The following EPHA7 variants were observed in gnomAD, a reference collection of about 807,000 sequenced individuals.
The protein encoded by EPHA7 is EPH receptor A7, also known as ephrin type-A receptor 7.
EPHA7 carries 25 observed loss-of-function variants against 112.6 expected under a neutral mutation model. That is an observed-to-expected ratio of 0.22 (90% CI 0.16 to 0.31). The LOEUF (loss-of-function observed/expected upper bound fraction) is 0.31. EPHA7 is among the 10% of genes least tolerant of loss of function. EPHA7 has a pLI of 1.00. For missense variants in EPHA7, 962 were observed against 1,212.6 expected (o/e 0.79, Z 3.07); for synonymous variants, 437 against 406.5 (o/e 1.07, Z -0.90).
At chr6:93,344,417 T>C (rs1775291137) in intron 5 of EPHA7, among the ~76,000 whole-genome samples, 1 of 151,624 alleles carries the variant, frequency 6.6e-6, no homozygotes, top group Non-Finnish European at 1.5e-5. Flanking sequence ...GTTATGATAA[T>C]GTATTAGAAA....
At chr6:93,243,885 G>C (rs1769794395) in intron 16 of EPHA7, among the ~76,000 whole-genome samples, 2 of 151,864 alleles carry the variant, frequency 1.3e-5, no homozygotes, top group African/African-American at 4.8e-5. Flanking sequence ...GAACCTAATA[G>C]GGATTTAGAA....
chr6:93,399,718 G>A (rs1562157100), intron 3 of EPHA7, among the ~76,000 whole-genome samples: 1 of 151,936 alleles, frequency 6.6e-6, no homozygotes, highest in Admixed American at 6.6e-5. Flanking sequence ...TTATATATGC[G>A]TGCTTTTGGA....
At chr6:93,314,163 T>A (rs1773676333) in intron 5 of EPHA7, among the ~76,000 whole-genome samples, 1 of 152,166 alleles carries the variant, frequency 6.6e-6, no homozygotes, top group African/African-American at 2.4e-5. Context: ...TACTTAACAA[T>A]AGCTGTCTCA....
chr6:93,345,738 T>A (rs918827543), intron 5 of EPHA7, among the ~76,000 whole-genome samples: 1 of 151,708 alleles, frequency 6.6e-6, no homozygotes, highest in Non-Finnish European at 1.5e-5. Flanking sequence ...TTGATAGTGT[T>A]CTCTCCTTTA....
In EPHA7 at chr6:93,366,717, G is replaced by A. The variant is rs150615933; in HGVS notation, c.833-8306C>T. ...AACCGGTTTACCTCTCGCTTTCACC[G>A]TGCCATTGTTGCTGAACCTTGTCTG... is the stretch of plus-strand genomic sequence containing the variant. On this transcript the variant is annotated intron_variant, in intron 3 of 16. Transcript: ENST00000369303. Among the ~76,000 whole-genome samples, 60 of 152,188 alleles carry A rather than the reference G, an allele frequency of 3.9e-4. No homozygotes were observed. In the East Asian group the frequency reaches 4.3e-3, roughly 11 times the overall value.
chr6:93,387,106 TTTC>T (rs1246667538), intron 3 of EPHA7, among the ~76,000 whole-genome samples: 5 of 152,278 alleles, frequency 3.3e-5, no homozygotes, highest in Non-Finnish European at 5.9e-5. Flanking sequence ...AAAATTTTTT[TTTC>T]TTTTCTACCA....
chr6:93,314,780 CT>C (rs762339352), intron 5 of EPHA7, among the ~76,000 whole-genome samples: 2 of 150,256 alleles, frequency 1.3e-5, no homozygotes, highest in Non-Finnish European at 3.0e-5. Flanking sequence ...TGCTTGCAAA[CT>C]TTAAAAATGT....
rs183407631 is a variant in EPHA7, at chr6:93,298,604, C to T, written c.1325-26182G>A. 2.6e-5 allele frequency among the ~76,000 whole-genome samples: 4 copies of T among 152,286 alleles called. No homozygotes were observed. The East Asian group carries it at 7.7e-4, about 29-fold the overall frequency. On this transcript the variant is annotated intron_variant, in intron 5 of 16. Coordinates refer to ENST00000369303, the MANE Select transcript of EPHA7 (RefSeq NM_004440.4). ...CCTAAAGAGACACTGATACACACTA[C>T]ATACACTGCCAATAAGGATATGAAA...
Position 93,358,125 on chromosome 6 carries a change from T to C in EPHA7, c.988+131A>G, listed in dbSNP as rs73755392. 2.7e-3 allele frequency: 1,742 copies of C among 652,636 alleles called. 21 individuals carry two copies. The African/African-American group carries it at 0.028, about 10-fold the overall frequency. 40.4% of individuals were successfully genotyped at this position (652,636 alleles called of 1,614,324 possible). On this transcript the variant is annotated intron_variant, in intron 4 of 16. Transcript: ENST00000369303. ...ATGAAAGAAAATTTTATCTTAATAT[T>C]TTAAAATAATTTTAATATTTAAGTA...
At chr6:93,258,901 A>C (rs1390079089) in intron 10 of EPHA7, among the ~76,000 whole-genome samples, 1 of 151,842 alleles carries the variant, frequency 6.6e-6, no homozygotes, top group Non-Finnish European at 1.5e-5. Flanking sequence ...TATTCCCTTT[A>C]ATTCATACAC....
At chr6:93,298,818 T>TA (rs1481672637) in intron 5 of EPHA7, among the ~76,000 whole-genome samples, 2 of 152,154 alleles carry the variant, frequency 1.3e-5, no homozygotes, top group Non-Finnish European at 2.9e-5. Context: ...TAAATAAGTC[T>TA]ATTTCTGAAA....
intron 3 of EPHA7, among the ~76,000 whole-genome samples, chr6:93,382,337 C>T (rs1777378238): frequency 1.3e-5 from 2 of 152,086 alleles, no homozygotes; most frequent in African/African-American, 2.4e-5. Flanking sequence ...AGGTCCCTCA[C>T]ATGGACAGTT....
Position 93,311,023 on chromosome 6 carries a change from C to T in EPHA7, c.1325-38601G>A, listed in dbSNP as rs192549451. Among the ~76,000 whole-genome samples, 277 of 151,364 alleles carry T rather than the reference C, an allele frequency of 1.8e-3. 1 individual carries two copies. Among genetic ancestry groups the T allele is most frequent in the African/African-American group, 6.0e-3 (247 of 41,176 alleles). Reference sequence around the variant, plus strand: ...TTGCTACAGTGGTGTGATCACAGCTCACTGCAACCTTGACCTCCTGGGTTC... The same window carrying T: ...TTGCTACAGTGGTGTGATCACAGCTTACTGCAACCTTGACCTCCTGGGTTC... On this transcript the variant is annotated intron_variant, in intron 5 of 16. Transcript: ENST00000369303.
At chr6:93,250,745 T>G (rs967463789) in intron 14 of EPHA7, among the ~76,000 whole-genome samples, 1 of 152,128 alleles carries the variant, frequency 6.6e-6, no homozygotes, top group African/African-American at 2.4e-5. Flanking sequence ...TCTTGTGAAA[T>G]TACTAGAAAC....
intron 3 of EPHA7, among the ~76,000 whole-genome samples, chr6:93,389,301 A>G (rs1777787151): frequency 6.6e-6 from 1 of 152,070 alleles, no homozygotes; most frequent in African/African-American, 2.4e-5. Flanking sequence ...TGTGTGTATT[A>G]CATCACTTGT....
intron 3 of EPHA7, among the ~76,000 whole-genome samples, chr6:93,392,689 G>T (rs2127982303): frequency 6.6e-6 from 1 of 151,938 alleles, no homozygotes; most frequent in South Asian, 2.1e-4. Flanking sequence ...TGCCACCAAA[G>T]AATAGGTTGA....
At chr6:93,260,875 A>G in intron 9 of EPHA7, 1 of 401,496 alleles carries the variant, frequency 2.5e-6, no homozygotes, top group South Asian at 1.0e-4. Flanking sequence ...GGGAAGAGAA[A>G]AAGAGAGAAG....
intron 5 of EPHA7, among the ~76,000 whole-genome samples, chr6:93,316,748 TTTTCAAGAA>T (rs1384251641): frequency 4.6e-5 from 7 of 152,168 alleles, no homozygotes; most frequent in Non-Finnish European, 2.9e-5. Context: ...GGATTATATA[TTTTCAAGAA>T]TTTCCTATTG....
At chr6:93,358,835 T>G (rs148747240) in intron 3 of EPHA7, among the ~76,000 whole-genome samples, 1 of 152,206 alleles carries the variant, frequency 6.6e-6, no homozygotes, top group South Asian at 2.1e-4. Flanking sequence ...ACTTTTGACA[T>G]GTTGATTTGG....
Sources: allele counts gnomAD v4.1 joint callset (sites outside exome capture counted in the v4.1 genomes callset), GRCh38; gene constraint gnomAD v4.1.1; transcripts MANE v1.5; gene names NCBI Gene and HGNC (gene_info 2026-07-23, HGNC 2026-07-21).